The following PPHLN1 variants were observed in gnomAD, a reference collection of about 807,000 sequenced individuals.
PPHLN1 encodes periphilin 1, also known as periphilin-1.
PPHLN1 carries 29 observed loss-of-function variants against 51.3 expected under a neutral mutation model. The ratio of observed to expected loss-of-function variants is 0.57; its 90% CI spans 0.42 to 0.77. The LOEUF (loss-of-function observed/expected upper bound fraction) is 0.77, where lower values mean the gene tolerates loss of function less well. Among genes scored for constraint, PPHLN1 ranks in the 30% least tolerant of loss-of-function variants. The pLI is 0.00. For missense variants in PPHLN1, 436 were observed against 438.4 expected, an observed-to-expected ratio of 0.99 and a Z score of 0.05; for synonymous variants, 147 against 147.8, an observed-to-expected ratio of 0.99 and a Z score of 0.04.
intron 7 of PPHLN1, among the ~76,000 whole-genome samples, 165 bp from the exon 8 acceptor site, chr12:42,393,405 A>T (rs2077906567): frequency 6.6e-6 from 1 of 152,166 alleles, no homozygotes; most frequent in Admixed American, 6.5e-5. Context: ...TACTTAAAGT[A>T]ATTCCATGTT....
rs187559819 is a variant in PPHLN1, at chr12:42,367,874, A to G, written c.300-6989A>G. ...CTCAGCCTCCCGAGCAGCTGGGACT[A>G]CAGGTGTGCACCACCATGCCCGGCT... On this transcript the variant is annotated intron_variant, in intron 4 of 9. Coordinates refer to ENST00000358314, the MANE Select transcript of PPHLN1 (RefSeq NM_201439.2). 1.2e-3 allele frequency among the ~76,000 whole-genome samples: 176 copies of G among 152,282 alleles called. 1 individual carries two copies. The South Asian group carries it at 0.029, about 25-fold the overall frequency.
intron 5 of PPHLN1, among the ~76,000 whole-genome samples, chr12:42,377,283 C>G (rs1394485392): frequency 9.4e-6 from 1 of 106,798 alleles, no homozygotes; most frequent in East Asian, 2.9e-4. Context: ...CATCTAAGAC[C>G]CTTAAAATTT....
At chr12:42,352,819 C>T (rs1452602145) in intron 3 of PPHLN1, among the ~76,000 whole-genome samples, 18 of 151,948 alleles carry the variant, frequency 1.2e-4, no homozygotes, top group Non-Finnish European at 2.1e-4. Flanking sequence ...CTGGGCATAG[C>T]GGCTCACACC....
At chr12:42,383,099 C>T (rs1474562438) in intron 5 of PPHLN1, among the ~76,000 whole-genome samples, 1 of 152,182 alleles carries the variant, frequency 6.6e-6, no homozygotes, top group Non-Finnish European at 1.5e-5. Flanking sequence ...CCAAGCCTAC[C>T]TAAGACAATA....
chr12:42,346,864 A>G (rs1228928654), intron 2 of PPHLN1, among the ~76,000 whole-genome samples: 1 of 152,114 alleles, frequency 6.6e-6, no homozygotes, highest in Non-Finnish European at 1.5e-5. Flanking sequence ...GCACCTTTTC[A>G]TATAACTGTT....
At chr12:42,399,202 AACAG>A in intron 9 of PPHLN1, 4 of 1,210,244 alleles carry the variant, frequency 3.3e-6, no homozygotes, top group Non-Finnish European at 3.1e-6. Context: ...TTAAATAAAA[AACAG>A]ACTTCTTTTT....
At chr12:42,349,560 CG>C (rs1340067327) in intron 2 of PPHLN1, among the ~76,000 whole-genome samples, 3 of 151,912 alleles carry the variant, frequency 2.0e-5, no homozygotes, top group Non-Finnish European at 4.4e-5. Flanking sequence ...TGCGGCCTTC[CG>C]CAGTGTTTGT....
chr12:42,340,534 A>G (rs1002781260), intron 2 of PPHLN1, among the ~76,000 whole-genome samples: 2 of 152,220 alleles, frequency 1.3e-5, no homozygotes, highest in African/African-American at 2.4e-5. Flanking sequence ...AACAACATGG[A>G]TAAACTTCAC....
chr12:42,336,285 G>C (rs2070651258), intron 2 of PPHLN1, among the ~76,000 whole-genome samples: 1 of 152,152 alleles, frequency 6.6e-6, no homozygotes, highest in Non-Finnish European at 1.5e-5. Flanking sequence ...AGAAGTATTT[G>C]AGTACCTGCT....
intron 9 of PPHLN1, among the ~76,000 whole-genome samples, chr12:42,435,276 A>G (rs1190998431): frequency 1.3e-5 from 2 of 152,192 alleles, no homozygotes; most frequent in Non-Finnish European, 2.9e-5. Context: ...TTAATTTATA[A>G]TTGGTTTTGC....
chr12:42,337,092 A>G (rs921593798), intron 2 of PPHLN1, among the ~76,000 whole-genome samples: 1 of 152,158 alleles, frequency 6.6e-6, no homozygotes, highest in African/African-American at 2.4e-5. Context: ...TGTAGACTTC[A>G]TGTTTTCAAT....
chr12:42,417,130 T>C (rs953461934), intron 9 of PPHLN1, among the ~76,000 whole-genome samples: 1 of 152,228 alleles, frequency 6.6e-6, no homozygotes, highest in Admixed American at 6.5e-5. Context: ...TGAGAGTTTG[T>C]GGCAGGCAAG....
At chr12:42,414,745 T>C (rs961476674) in intron 9 of PPHLN1, among the ~76,000 whole-genome samples, 1 of 152,218 alleles carries the variant, frequency 6.6e-6, no homozygotes, top group Admixed American at 6.5e-5. Context: ...GACTTACTCA[T>C]TTTCAGTTTG....
At chr12:42,419,332 C>A (rs917930700) in intron 9 of PPHLN1, among the ~76,000 whole-genome samples, 1 of 150,118 alleles carries the variant, frequency 6.7e-6, no homozygotes, top group Non-Finnish European at 1.5e-5. Flanking sequence ...ACCTCTGCCT[C>A]CCGGGTTCAA....
chr12:42,389,034 C>G (rs890687090), intron 7 of PPHLN1, among the ~76,000 whole-genome samples: 2 of 151,908 alleles, frequency 1.3e-5, no homozygotes, highest in Non-Finnish European at 2.9e-5. Flanking sequence ...GTCAGGAGGT[C>G]GAGACCATCC....
At chr12:42,357,333 CT>C (rs1565812293) in intron 4 of PPHLN1, among the ~76,000 whole-genome samples, 2 of 152,154 alleles carry the variant, frequency 1.3e-5, no homozygotes, top group African/African-American at 4.8e-5. Context: ...GCAAAAATGC[CT>C]TGAAAAAGAT....
At chr12:42,342,465 A>G (rs12578312) in intron 2 of PPHLN1, among the ~76,000 whole-genome samples, 43,751 of 152,178 alleles carry the variant, frequency 0.29, 7,622 homozygotes, top group Non-Finnish European at 0.38. Flanking sequence ...ATGGGGTTCC[A>G]GCTTCTTAGC....
chr12:42,394,381 G>A (rs978804057), intron 8 of PPHLN1, among the ~76,000 whole-genome samples: 15 of 152,158 alleles, frequency 9.9e-5, no homozygotes, highest in African/African-American at 3.1e-4. Flanking sequence ...ATAAAAATCC[G>A]TCCCGTGACA....
chr12:42,445,082 G>C (rs1167590461), downstream of PPHLN1: 1 of 702,348 alleles, frequency 1.4e-6, no homozygotes, highest in Non-Finnish European at 2.6e-6. Flanking sequence ...CTACTCTCGA[G>C]CCGGCCCTGT....
Sources: gnomAD v4.1 joint callset for allele counts (sites outside exome capture counted in the v4.1 genomes callset) on GRCh38, gnomAD v4.1.1 for gene constraint, MANE v1.5 for transcripts, NCBI Gene and HGNC (gene_info 2026-07-23, HGNC 2026-07-21) for gene names.